RHD: variants seen among roughly 807,000 people sequenced by gnomAD.
RHD encodes the protein Rh blood group D antigen.
RHD carries 16 observed loss-of-function variants against 45.5 expected under a neutral mutation model. The observed-to-expected ratio is 0.35, with a 90% CI of 0.24 to 0.53. RHD has a LOEUF of 0.53. Ranked by LOEUF, RHD falls within the 20% of genes least tolerant of loss-of-function variation. RHD has a pLI of 0.92. For missense variants in RHD, 306 were observed against 532.0 expected (o/e 0.58, Z 4.18); for synonymous variants, 131 against 217.5 (o/e 0.60, Z 3.50).
intron 8 of RHD, among the ~76,000 whole-genome samples, chr1:25,319,973 ACT>A (rs1376500408): frequency 3.1e-5 from 4 of 131,118 alleles, no homozygotes; most frequent in African/African-American, 7.8e-5. Context: ...ATCTCGGCTC[ACT>A]ACAACCTCAG....
chr1:25,282,068 T>C (rs116833983), intron 1 of RHD, among the ~76,000 whole-genome samples: 3,213 of 131,766 alleles, frequency 0.024, 520 homozygotes, highest in African/African-American at 0.077. Flanking sequence ...TCACTATTTA[T>C]TGAGCGTTCT....
chr1:25,290,670 C>T lies in RHD; in HGVS notation c.365C>T (p.Ser122Leu), dbSNP rs752408858. ...SIRLATMSAL[S>L]VLISVDAVLG... ...CGGCTGGCCACCATGAGTGCTTTGT[C>T]GGTGCTGATCTCAGTGGATGCTGTC... Residue 122 changes from serine to leucine, a missense_variant, in exon 3 of 10, where the codon TCG becomes TTG. Transcript: ENST00000328664. 6 of 1,378,274 alleles carry T rather than the reference C, an allele frequency of 4.4e-6. 1 individual carries two copies. The highest frequency in any genetic ancestry group is 1.4e-5 in the African/African-American group (1 of 70,848). 85.4% of individuals were successfully genotyped at this position (1,378,274 alleles called of 1,614,324 possible). A position where few individuals can be genotyped will look rare whatever the true frequency, so the allele number is the denominator to read the frequency against.
Position 25,321,196 on chromosome 1 carries a change from T to C in RHD, c.1154-693T>C, listed in dbSNP as rs1028590472. Among the ~76,000 whole-genome samples, 26 of 129,470 alleles carry C rather than the reference T, an allele frequency of 2.0e-4. 5 individuals carry two copies. 84.9% of individuals were successfully genotyped at this position (129,470 alleles called of 152,430 possible). A position where few individuals can be genotyped will look rare whatever the true frequency, so the allele number is the denominator to read the frequency against. On this transcript the variant is annotated intron_variant, in intron 8 of 9. Transcript: ENST00000328664. ...ACTGGAGCCAGAGAAGACAGACCTATAGGAGCACCCAATTGGAGTCACCCT... is the reference window on the plus strand; with the variant it reads ...ACTGGAGCCAGAGAAGACAGACCTACAGGAGCACCCAATTGGAGTCACCCT...
chr1:25,318,746 G>C (rs1360663479), intron 8 of RHD, among the ~76,000 whole-genome samples: 1 of 132,622 alleles, frequency 7.5e-6, no homozygotes, highest in African/African-American at 2.6e-5. Flanking sequence ...GTTGTGTGAC[G>C]TTGGGCATGT....
chr1:25,286,073 A>G lies in RHD; in HGVS notation c.335+1314A>G, dbSNP rs1489043359. On this transcript the variant is annotated intron_variant, in intron 2 of 9. Transcript: ENST00000328664. ...AGGGCCACACAGCTAAGTGGTGGAG[A>G]TGGCTCCAACTTTTTATTATAACCT... Among the ~76,000 whole-genome samples, 2 of 135,456 alleles carry G rather than the reference A, an allele frequency of 1.5e-5. 1 individual carries two copies. Among genetic ancestry groups the G allele is most frequent in the African/African-American group, 5.1e-5 (2 of 39,256 alleles). The allele number at this position is 135,456 out of a possible 152,430, so 88.9% of individuals were successfully genotyped here.
In RHD at chr1:25,292,657, G is replaced by T. The variant is rs1448183442; in HGVS notation, c.486+1866G>T. Among the ~76,000 whole-genome samples the T allele has an allele frequency of 4.6e-5, 6 of 129,546 alleles. 1 individual carries two copies. The highest frequency in any genetic ancestry group is 1.6e-4 in the African/African-American group (6 of 38,102). 85.0% of individuals were successfully genotyped at this position (129,546 alleles called of 152,430 possible). On this transcript the variant is annotated intron_variant, in intron 3 of 9. Coordinates refer to ENST00000328664, the MANE Select transcript of RHD (RefSeq NM_016124.6). The stretch of plus-strand genomic sequence containing the variant: ...GCGTTAGGGTTAAGGTTGGGGGAGG[G>T]GGGGTAGAGATGTGTATGAAACATC...
chr1:25,295,625 C>T (rs1642868206), intron 3 of RHD, among the ~76,000 whole-genome samples: 1 of 105,322 alleles, frequency 9.5e-6, no homozygotes, highest in African/African-American at 3.2e-5. Flanking sequence ...AAGAGACGAG[C>T]GGTCAAGGAG....
At position 25,318,482 on chromosome 1, in the gene RHD, G is replaced by C. The variant is rs544805531; in HGVS notation, c.1153+1403G>C. 3.0e-4 allele frequency among the ~76,000 whole-genome samples: 39 copies of C among 131,040 alleles called. 6 individuals are homozygous for C. The highest frequency in any genetic ancestry group is 9.9e-4 in the African/African-American group (38 of 38,548). The allele number at this position is 131,040 out of a possible 152,430, so 86.0% of individuals were successfully genotyped here. ...GTGTGCCTGTAGTCCCAGCTACTGG[G>C]GAGGCTGAAGTAGGGGAATGGCTTG... On this transcript the variant is annotated intron_variant, in intron 8 of 9. Coordinates refer to ENST00000328664, the MANE Select transcript of RHD (RefSeq NM_016124.6).
chr1:25,306,895 C>A (rs1643882170), intron 7 of RHD, 166 bp downstream of exon 7: 1 of 755,526 alleles, frequency 1.3e-6, no homozygotes. Context: ...CCAGCCCCTA[C>A]CTTGGATGGA....
chr1:25,321,674 T>TAATAAAATAAAATAAAATA, intron 8 of RHD, among the ~76,000 whole-genome samples: 1 of 91,300 alleles, frequency 1.1e-5, no homozygotes, highest in East Asian at 2.3e-4. Context: ...TGTCTCAAAA[T>TAATAAAATAAAATAAAATA]AAATAAAATA....
chr1:25,301,781 G>A, intron 5 of RHD, 95 bp downstream of exon 5: 1 of 936,754 alleles, frequency 1.1e-6, no homozygotes, highest in Non-Finnish European at 1.7e-6. Context: ...CGTGGGTTGG[G>A]AGAGGGCATG....
chr1:25,321,435 T>C (rs1187710024), intron 8 of RHD, among the ~76,000 whole-genome samples: 14 of 107,766 alleles, frequency 1.3e-4, no homozygotes, highest in African/African-American at 4.4e-4. Context: ...CTGAGGTGGG[T>C]GGATCACCTG....
chr1:25,301,070 T>C lies in RHD; in HGVS notation c.611T>C (p.Ile204Thr). ...GTEDKDQTAT[I>T]PSLSAMLGAL... is the part of the protein sequence containing the mutation. ...GAGGATAAAGATCAGACAGCAACGA[T>C]ACCCAGTTTGTCTGCCATGCTGGGT... The change falls in exon 4 of 10, where the codon ATA becomes ACA. Residue 204 changes from isoleucine (I) to threonine (T), a missense_variant. By Grantham distance (89) the Ile-to-Thr change is moderately conservative. Coordinates refer to ENST00000328664, the MANE Select transcript of RHD (RefSeq NM_016124.6). 1 of 1,376,330 alleles carries C rather than the reference T, an allele frequency of 7.3e-7. No homozygotes were observed. The highest frequency in any genetic ancestry group is 1.0e-6 in the Non-Finnish European group (1 of 978,178). The allele number at this position is 1,376,330 out of a possible 1,614,324, so 85.3% of individuals were successfully genotyped here. A position where few individuals can be genotyped will look rare whatever the true frequency, so the allele number is the denominator to read the frequency against.
chr1:25,299,097 A>AC (rs1643180272), intron 3 of RHD, among the ~76,000 whole-genome samples: 1 of 125,554 alleles, frequency 8.0e-6, no homozygotes, highest in Admixed American at 7.7e-5. Flanking sequence ...AAAAAAAAAA[A>AC]CAGGCTGGGA....
intron 1 of RHD, among the ~76,000 whole-genome samples, chr1:25,277,949 C>T (rs1641159136): frequency 7.5e-6 from 1 of 133,506 alleles, no homozygotes; most frequent in African/African-American, 2.6e-5. Flanking sequence ...GCTGGGATTA[C>T]AGGCGTGAGC....
intron 5 of RHD, among the ~76,000 whole-genome samples, chr1:25,302,824 C>A (rs1441915031): frequency 7.6e-6 from 1 of 131,148 alleles, no homozygotes; most frequent in East Asian, 2.0e-4. Context: ...CTTACAATAA[C>A]CTTATGAAGA....
At chr1:25,279,328 G>A (rs1252040960) in intron 1 of RHD, among the ~76,000 whole-genome samples, 1 of 126,076 alleles carries the variant, frequency 7.9e-6, no homozygotes, top group Non-Finnish European at 1.9e-5. Context: ...CTGAGCAGCT[G>A]GCATTGTTTC....
chr1:25,289,385 G>T (rs1184312818), intron 2 of RHD, among the ~76,000 whole-genome samples: 1 of 128,010 alleles, frequency 7.8e-6, no homozygotes, highest in South Asian at 2.4e-4. Flanking sequence ...AGTTGAGACA[G>T]AGTTTCACCA....
In RHD at chr1:25,290,899, C is replaced by T; in HGVS notation, c.486+108C>T. On this transcript the variant is annotated intron_variant, in intron 3 of 9. Coordinates refer to ENST00000328664, the MANE Select transcript of RHD (RefSeq NM_016124.6). The stretch of plus-strand genomic sequence containing the variant: ...TAAAGACAACCTGTAATCCCAGCTA[C>T]TTGGGAGGTTGAGGAGGGAAGATCA... The T allele has an allele frequency of 5.2e-6, 6 of 1,153,574 alleles. No homozygotes were observed. In the Admixed American group the frequency reaches 7.4e-5, roughly 14 times the overall value. 71.5% of individuals were successfully genotyped at this position (1,153,574 alleles called of 1,614,324 possible). A position where few individuals can be genotyped will look rare whatever the true frequency, so the allele number is the denominator to read the frequency against.
Sources: gnomAD v4.1 joint callset for allele counts (sites outside exome capture counted in the v4.1 genomes callset) on GRCh38, gnomAD v4.1.1 for gene constraint, MANE v1.5 for transcripts, NCBI Gene and HGNC (gene_info 2026-07-23, HGNC 2026-07-21) for gene names.